The following LRCH3 variants were observed in gnomAD, a reference collection of about 807,000 sequenced individuals.
LRCH3 encodes leucine rich repeats and calponin homology domain containing 3.
Under a neutral mutation model 104.5 loss-of-function variants are expected in LRCH3, and 68 were observed. The ratio of observed to expected loss-of-function variants is 0.65; its 90% CI spans 0.54 to 0.80. The LOEUF is 0.80. LRCH3 is among the 30% of genes least tolerant of loss of function. The pLI, the probability that LRCH3 is intolerant of heterozygous loss-of-function variation, is 0.00. For synonymous variants in LRCH3, 344 were observed against 361.3 expected (o/e 0.95, Z 0.54); for missense variants, 951 against 953.9 (o/e 1.00, Z 0.04).
intron 4 of LRCH3, among the ~76,000 whole-genome samples, chr3:197,824,744 G>A (rs1334507050): frequency 2.0e-5 from 3 of 151,264 alleles, no homozygotes; most frequent in African/African-American, 7.3e-5. Context: ...GCTAACTTTT[G>A]TATTTTTAGT....
Position 197,886,804 on chromosome 3 carries a change from CAAAAAAAAAAA to C in LRCH3, c.*3149_*3159del, listed in dbSNP as rs34476668. On this transcript the variant is annotated 3_prime_UTR_variant, in exon 21 of 21. Coordinates refer to ENST00000425562, the MANE Select transcript of LRCH3 (RefSeq NM_001365715.1). ...TGGGCAACAGAGCGAGACTCTGTCT[CAAAAAAAAAAA>C]AAAAAAAAAACCCACCAAACCAAAA... 1 of 75,854 alleles carries C rather than the reference CAAAAAAAAAAA, an allele frequency of 1.3e-5. No individual in the cohort carries two copies. The highest frequency in any genetic ancestry group is 2.9e-5 in the Non-Finnish European group (1 of 34,302). 4.7% of individuals were successfully genotyped at this position (75,854 alleles called of 1,614,324 possible).
intron 1 of LRCH3, among the ~76,000 whole-genome samples, chr3:197,803,591 G>A (rs1044922464): frequency 1.3e-5 from 2 of 152,024 alleles, no homozygotes; most frequent in Admixed American, 1.3e-4. Context: ...CTTGAACCTG[G>A]GAGGTGGAGG....
chr3:197,818,777 A>G (rs922218427), intron 3 of LRCH3, among the ~76,000 whole-genome samples: 5 of 152,218 alleles, frequency 3.3e-5, no homozygotes, highest in African/African-American at 7.2e-5. Flanking sequence ...TTTGTTTTCT[A>G]CAAAAGAGGT....
rs1342939749 is a variant in LRCH3 at position 197,887,683 on chromosome 3, G to T, written c.*4017G>T. On this transcript the variant is annotated 3_prime_UTR_variant, in exon 21 of 21. Transcript: ENST00000425562. ...AGCCCTTCCCATCACTGACAGTGTT[G>T]GGGGCTGAGAGCCCCCCAGCAGAGC... 5.7e-4 allele frequency: 73 copies of T among 127,866 alleles called. No homozygotes were observed. Among genetic ancestry groups the T allele is most frequent in the African/African-American group, 1.1e-3 (32 of 29,468 alleles). 7.9% of individuals were successfully genotyped at this position (127,866 alleles called of 1,614,324 possible). A position where few individuals can be genotyped will look rare whatever the true frequency, so the allele number is the denominator to read the frequency against.
intron 17 of LRCH3, among the ~76,000 whole-genome samples, chr3:197,867,468 G>A (rs112435075): frequency 2.2e-3 from 335 of 152,122 alleles, no homozygotes; most frequent in African/African-American, 4.8e-3. Flanking sequence ...TGTAATCCTC[G>A]CACTTTGGGA....
At chr3:197,879,983 T>A (rs923152132) in intron 20 of LRCH3, among the ~76,000 whole-genome samples, 1 of 150,878 alleles carries the variant, frequency 6.6e-6, no homozygotes, top group Non-Finnish European at 1.5e-5. Context: ...TCTCGCTCTG[T>A]CACCCAGGCT....
In LRCH3 at chr3:197,865,418, C is replaced by A; in HGVS notation, c.1717-5C>A. On this transcript the variant is annotated splice_region_variant and splice_polypyrimidine_tract_variant and intron_variant, in intron 15 of 20. Transcript: ENST00000425562. ...AATTATTGATATATGTCTGTTTCTC[C>A]ACAGAGTGATGACAGACCTAATGCT... is the stretch of plus-strand genomic sequence containing the variant. The A allele has an allele frequency of 1.3e-6, 2 of 1,560,434 alleles. No homozygotes were observed. The highest frequency in any genetic ancestry group is 1.8e-5 in the Admixed American group (1 of 55,506).
intron 14 of LRCH3, among the ~76,000 whole-genome samples, chr3:197,858,095 G>A (rs1341418796): frequency 6.6e-6 from 1 of 152,098 alleles, no homozygotes; most frequent in Non-Finnish European, 1.5e-5. Context: ...AGGGCTCTTT[G>A]TGAAAGTATT....
At chr3:197,831,811 T>C (rs960601673) in intron 7 of LRCH3, among the ~76,000 whole-genome samples, 3 of 152,148 alleles carry the variant, frequency 2.0e-5, no homozygotes, top group African/African-American at 4.8e-5. Context: ...TTTAGAGACA[T>C]GCTCTCCCTA....
chr3:197,858,802 T>C, intron 14 of LRCH3, 32 bp from the exon 15 acceptor site: 1 of 1,576,194 alleles, frequency 6.3e-7, no homozygotes, highest in South Asian at 1.1e-5. Context: ...AATGCTGCCT[T>C]CTGTTTCTTC....
chr3:197,836,670 A>G (rs1560561659), intron 9 of LRCH3, among the ~76,000 whole-genome samples: 1 of 152,232 alleles, frequency 6.6e-6, no homozygotes, highest in East Asian at 1.9e-4. Flanking sequence ...GACATGTTGT[A>G]GAGTGATATT....
intron 15 of LRCH3, among the ~76,000 whole-genome samples, chr3:197,864,800 C>T (rs1261477553): frequency 1.3e-5 from 2 of 149,316 alleles, no homozygotes; most frequent in East Asian, 2.0e-4. Context: ...GCGGGTGCAT[C>T]GCTTGAGCTC....
At position 197,814,268 on chromosome 3, in the gene LRCH3, G is replaced by T. The variant is rs577571398; in HGVS notation, c.263-640G>T. 4.1e-3 allele frequency among the ~76,000 whole-genome samples: 623 copies of T among 152,298 alleles called. 3 individuals carry two copies. The highest frequency in any genetic ancestry group is 5.2e-3 in the Non-Finnish European group (355 of 68,020). ...GGCAGGAACAAAAGTGGAAACCCCTGATAAACCCGTAAGATCTCGTGAGAC... is the reference window on the plus strand; with the variant it reads ...GGCAGGAACAAAAGTGGAAACCCCTTATAAACCCGTAAGATCTCGTGAGAC... On this transcript the variant is annotated intron_variant, in intron 1 of 20. Transcript: ENST00000425562.
intron 15 of LRCH3, among the ~76,000 whole-genome samples, chr3:197,865,189 A>G (rs532120054): frequency 1.6e-4 from 24 of 152,174 alleles, no homozygotes; most frequent in African/African-American, 4.8e-4. Flanking sequence ...GGGTCTCACT[A>G]TGTTGCCTAG....
At chr3:197,846,882 T>A (rs565452804) in intron 10 of LRCH3, among the ~76,000 whole-genome samples, 1 of 142,964 alleles carries the variant, frequency 7.0e-6, no homozygotes, top group Non-Finnish European at 1.5e-5. Flanking sequence ...TTTTTTTTTG[T>A]TTTTTTAAGC....
chr3:197,871,051 A>G (rs1712122642), intron 18 of LRCH3, among the ~76,000 whole-genome samples: 1 of 151,592 alleles, frequency 6.6e-6, no homozygotes, highest in Non-Finnish European at 1.5e-5. Context: ...TTGCCTCTTT[A>G]TTTTATGTTG....
At chr3:197,877,584 T>G (rs1713041795) in intron 20 of LRCH3, among the ~76,000 whole-genome samples, 1 of 152,118 alleles carries the variant, frequency 6.6e-6, no homozygotes, top group African/African-American at 2.4e-5. Flanking sequence ...TTTACCCAGT[T>G]CACCGCACCT....
At chr3:197,824,772 A>G (rs1001907846) in intron 4 of LRCH3, among the ~76,000 whole-genome samples, 85 of 151,474 alleles carry the variant, frequency 5.6e-4, no homozygotes, top group Middle Eastern at 3.4e-3. Flanking sequence ...GGGTTTTACC[A>G]TCTTGGCCAG....
At chr3:197,801,557 A>C (rs2109116772) in intron 1 of LRCH3, among the ~76,000 whole-genome samples, 1 of 152,094 alleles carries the variant, frequency 6.6e-6, no homozygotes, top group South Asian at 2.1e-4. Context: ...CTTTTTGGCC[A>C]TCTCTTTTTA....
Sources: allele counts gnomAD v4.1 joint callset (sites outside exome capture counted in the v4.1 genomes callset), GRCh38; gene constraint gnomAD v4.1.1; transcripts MANE v1.5; gene names NCBI Gene and HGNC (gene_info 2026-07-23, HGNC 2026-07-21).